Variants in PCMTD2 observed in about 807,000 individuals in gnomAD.
The protein encoded by PCMTD2 is protein-L-isoaspartate O-methyltransferase domain-containing protein 2.
PCMTD2 carries 16 observed loss-of-function variants against 33.4 expected under a neutral mutation model. The ratio of observed to expected loss-of-function variants is 0.48; its 90% CI spans 0.32 to 0.73. PCMTD2 has a LOEUF of 0.73. Among genes scored for constraint, PCMTD2 ranks in the 30% least tolerant of loss-of-function variants. The probability of loss-of-function intolerance (pLI) is 0.03; values close to 1 mark genes in which losing one functional copy is unlikely to be tolerated. For missense variants in PCMTD2, 374 were observed against 449.9 expected (o/e 0.83, Z 1.53); for synonymous variants, 161 against 160.8 (o/e 1.00, Z -0.01).
At chr20:64,266,946 CAT>C (rs939058592) in intron 4 of PCMTD2, among the ~76,000 whole-genome samples, 14 of 152,206 alleles carry the variant, frequency 9.2e-5, no homozygotes, top group African/African-American at 1.4e-4. Context: ...TTTAAATAAA[CAT>C]ATGTTTTGCT....
intron 4 of PCMTD2, 98 bp from the exon 5 acceptor site, chr20:64,267,789 G>T: frequency 1.0e-6 from 1 of 993,940 alleles, no homozygotes; most frequent in Non-Finnish European, 1.5e-6. Context: ...TTTATTGTAA[G>T]CATTTCTATG....
intron 5 of PCMTD2, among the ~76,000 whole-genome samples, chr20:64,270,448 C>T (rs546841331): frequency 7.0e-6 from 1 of 142,162 alleles, no homozygotes; most frequent in African/African-American, 2.6e-5. Flanking sequence ...CATGTGACTG[C>T]GGATGTGCAC....
rs1053211756 is a variant in PCMTD2, at chr20:64,255,796, A to C, written c.-99A>C. The C allele has an allele frequency of 1.9e-5, 3 of 158,264 alleles. No homozygotes were observed. The highest frequency in any genetic ancestry group is 1.8e-4 in the South Asian group (1 of 5,674). 9.8% of individuals were successfully genotyped at this position (158,264 alleles called of 1,614,324 possible). A position where few individuals can be genotyped will look rare whatever the true frequency, so the allele number is the denominator to read the frequency against. On this transcript the variant is annotated 5_prime_UTR_variant, in exon 1 of 6. Transcript: ENST00000308824. ...GGAGCGGCGCTGCTCGGCCGCGGAC[A>C]CACGAGGGACGCGCCCGAGGAGCTG...
chr20:64,268,152 A>G, intron 5 of PCMTD2, 142 bp downstream of exon 5: 2 of 501,734 alleles, frequency 4.0e-6, no homozygotes, highest in South Asian at 6.7e-5. Flanking sequence ...TCTACAAGCA[A>G]TTTCAGGCAT....
chr20:64,273,467 G>A lies in PCMTD2; in HGVS notation c.953G>A (p.Arg318Gln), dbSNP rs757926855. 17 of 1,612,974 alleles carry A rather than the reference G, an allele frequency of 1.1e-5. No homozygotes were observed. Among genetic ancestry groups the A allele is most frequent in the East Asian group, 2.2e-5 (1 of 44,884 alleles). ...DNSCEDLEEE[R>Q]REEEEKTPPE... Reference sequence around the variant, plus strand: ...AGCTGTGAAGACTTGGAAGAGGAACGGAGGGAAGAAGAAGAGAAGACCCCG... The same window carrying A: ...AGCTGTGAAGACTTGGAAGAGGAACAGAGGGAAGAAGAAGAGAAGACCCCG... Residue 318 changes from arginine to glutamine, a missense_variant, in exon 6 of 6, where the codon CGG becomes CAG. Arg to Gln is a conservative substitution (Grantham distance 43). Transcript: ENST00000308824.
chr20:64,265,552 G>A, intron 4 of PCMTD2, 123 bp downstream of exon 4: 1 of 788,130 alleles, frequency 1.3e-6, no homozygotes. Context: ...ACAGAGGCAG[G>A]GACAGGTGAG....
chr20:64,269,641 G>C (rs1247183494), intron 5 of PCMTD2, among the ~76,000 whole-genome samples: 2 of 152,164 alleles, frequency 1.3e-5, no homozygotes, highest in Non-Finnish European at 2.9e-5. Context: ...TGTGAGTGTA[G>C]ATGCGTGGTG....
chr20:64,265,944 C>T (rs560257722), intron 4 of PCMTD2, among the ~76,000 whole-genome samples: 2 of 152,244 alleles, frequency 1.3e-5, no homozygotes, highest in South Asian at 4.1e-4. Flanking sequence ...TACTGTATGT[C>T]ACTGGGAAAA....
At chr20:64,267,212 G>A (rs1344794141) in intron 4 of PCMTD2, among the ~76,000 whole-genome samples, 1 of 152,178 alleles carries the variant, frequency 6.6e-6, no homozygotes, top group Non-Finnish European at 1.5e-5. Context: ...TCTGGTGCTC[G>A]TAATACTTTA....
At position 64,259,965 on chromosome 20, in the gene PCMTD2, C is replaced by T. The variant is rs2145754365; in HGVS notation, c.-1C>T. The T allele has an allele frequency of 3.7e-6, 6 of 1,601,474 alleles. No individual in the cohort carries two copies. Among genetic ancestry groups the T allele is most frequent in the Non-Finnish European group, 5.1e-6 (6 of 1,169,200 alleles). On this transcript the variant is annotated 5_prime_UTR_variant, in exon 2 of 6. Coordinates refer to ENST00000308824, the MANE Select transcript of PCMTD2 (RefSeq NM_018257.3). ...AGTATTGCCTAAGTGTAATCTTGAA[C>T]ATGGGCGGTGCTGTGAGTGCTGGTG...
intron 1 of PCMTD2, among the ~76,000 whole-genome samples, chr20:64,259,233 T>C (rs1985291486): frequency 6.6e-6 from 1 of 152,186 alleles, no homozygotes; most frequent in Non-Finnish European, 1.5e-5. Flanking sequence ...AAGAGTGTTT[T>C]CTTGCTGTTT....
At chr20:64,267,280 G>T (rs1355137998) in intron 4 of PCMTD2, among the ~76,000 whole-genome samples, 1 of 152,118 alleles carries the variant, frequency 6.6e-6, no homozygotes, top group Non-Finnish European at 1.5e-5. Context: ...CCAGATTCCG[G>T]TGCTTTCGTG....
chr20:64,270,290 G>C (rs573234542), intron 5 of PCMTD2, among the ~76,000 whole-genome samples: 1 of 147,928 alleles, frequency 6.8e-6, no homozygotes, highest in African/African-American at 2.5e-5. Flanking sequence ...ATGTGAGTGC[G>C]GATGTGCACA....
intron 2 of PCMTD2, among the ~76,000 whole-genome samples, chr20:64,261,255 G>A (rs1049986770): frequency 4.4e-4 from 67 of 152,322 alleles, no homozygotes; most frequent in African/African-American, 1.6e-3. Context: ...GGTGATAGGA[G>A]CTGATCTGTA....
intron 2 of PCMTD2, among the ~76,000 whole-genome samples, chr20:64,263,900 G>T (rs1985540317): frequency 6.6e-6 from 1 of 152,252 alleles, no homozygotes; most frequent in South Asian, 2.1e-4. Flanking sequence ...TTATATCGGG[G>T]GAGCACTGTC....
chr20:64,266,383 G>C (rs1985659338), intron 4 of PCMTD2, among the ~76,000 whole-genome samples: 1 of 152,090 alleles, frequency 6.6e-6, no homozygotes, highest in South Asian at 2.1e-4. Context: ...TCAGCCTCCT[G>C]AGTAGCTGGG....
At chr20:64,262,653 C>G (rs1337057520) in intron 2 of PCMTD2, 1 of 152,464 alleles carries the variant, frequency 6.6e-6, no homozygotes, top group Non-Finnish European at 1.5e-5. Flanking sequence ...CTGTGACCCC[C>G]GACTGCCTTT....
intron 1 of PCMTD2, chr20:64,256,541 C>T (rs961506607): frequency 6.6e-6 from 1 of 152,200 alleles, no homozygotes; most frequent in Admixed American, 6.5e-5. Flanking sequence ...TTTCATTTTT[C>T]TTCTCAAGGG....
intron 5 of PCMTD2, among the ~76,000 whole-genome samples, chr20:64,272,752 G>A (rs948507688): frequency 8.5e-5 from 13 of 152,160 alleles, no homozygotes; most frequent in African/African-American, 3.1e-4. Context: ...CCCAGGAGAC[G>A]GAGGTTGCAG....
Sources: allele counts gnomAD v4.1 joint callset (sites outside exome capture counted in the v4.1 genomes callset), GRCh38; gene constraint gnomAD v4.1.1; transcripts MANE v1.5; gene names NCBI Gene and HGNC (gene_info 2026-07-23, HGNC 2026-07-21).